The following KCNIP4 variants were observed in gnomAD, a reference collection of about 807,000 sequenced individuals.
The protein encoded by KCNIP4 is potassium voltage-gated channel interacting protein 4, also known as Kv channel-interacting protein 4.
A neutral mutation model predicts 34.0 loss-of-function variants in KCNIP4; 12 were observed. The ratio of observed to expected loss-of-function variants is 0.35; its 90% confidence interval spans 0.23 to 0.57. The LOEUF is 0.57. Among genes scored for constraint, KCNIP4 ranks in the 20% least tolerant of loss-of-function variants. KCNIP4 has a pLI of 0.83. For missense variants in KCNIP4, 238 were observed against 311.7 expected (o/e 0.76, Z 1.78); for synonymous variants, 124 against 102.2 (o/e 1.21, Z -1.29).
intron 1 of KCNIP4, among the ~76,000 whole-genome samples, chr4:20,985,890 G>A (rs1417859615): frequency 6.6e-6 from 1 of 152,140 alleles, no homozygotes; most frequent in Non-Finnish European, 1.5e-5. Context: ...AAGTTTTGAG[G>A]TTGGTAGACC....
chr4:21,436,891 T>C (rs1038009866), intron 1 of KCNIP4, among the ~76,000 whole-genome samples: 5 of 152,206 alleles, frequency 3.3e-5, no homozygotes, highest in Non-Finnish European at 5.9e-5. Flanking sequence ...CCTAACACAG[T>C]GCCTGGCAGA....
intron 1 of KCNIP4, among the ~76,000 whole-genome samples, chr4:21,250,381 C>T (rs1057417536): frequency 2.0e-5 from 3 of 152,042 alleles, no homozygotes; most frequent in Non-Finnish European, 2.9e-5. Flanking sequence ...CTGAAATTTT[C>T]GTCTTCACAA....
rs1181354065 is a variant in KCNIP4 at position 21,344,458 on chromosome 4, G to T, written c.62-461749C>A. On this transcript the variant is annotated intron_variant, in intron 1 of 8. Transcript: ENST00000382152. ...AGCCAAAGGTCTTGGAAACCAAATTGCAAAGATCAGGAGAGAGTTTTAAGA... is the reference window on the plus strand; with the variant it reads ...AGCCAAAGGTCTTGGAAACCAAATTTCAAAGATCAGGAGAGAGTTTTAAGA... Among the ~76,000 whole-genome samples, 5 of 152,118 alleles carry T rather than the reference G, an allele frequency of 3.3e-5. No individual in the cohort carries two copies. In the South Asian group the frequency reaches 6.2e-4, roughly 19 times the overall value.
intron 2 of KCNIP4, among the ~76,000 whole-genome samples, chr4:20,851,091 T>C (rs1720975841): frequency 6.6e-6 from 1 of 152,184 alleles, no homozygotes; most frequent in Non-Finnish European, 1.5e-5. Context: ...GCAGGTTTGT[T>C]ACATGGGTAA....
chr4:21,224,986 A>G (rs1758271700), intron 1 of KCNIP4, among the ~76,000 whole-genome samples: 2 of 152,180 alleles, frequency 1.3e-5, no homozygotes, highest in South Asian at 4.1e-4. Context: ...TTATTATAAA[A>G]TAGACCTTGT....
intron 1 of KCNIP4, among the ~76,000 whole-genome samples, chr4:21,286,407 G>A (rs1235756569): frequency 6.6e-6 from 1 of 152,128 alleles, no homozygotes; most frequent in Non-Finnish European, 1.5e-5. Context: ...ACATATTTAA[G>A]CCACACAATG....
chr4:21,013,474 G>T (rs926759481), intron 1 of KCNIP4, among the ~76,000 whole-genome samples: 19 of 151,436 alleles, frequency 1.3e-4, no homozygotes, highest in Admixed American at 6.6e-5. Flanking sequence ...GGGTCGACCA[G>T]CTCTCTCCAG....
At chr4:21,265,890 C>A (rs1169012535) in intron 1 of KCNIP4, among the ~76,000 whole-genome samples, 1 of 152,174 alleles carries the variant, frequency 6.6e-6, no homozygotes, top group East Asian at 1.9e-4. Flanking sequence ...TGCAAAGTGT[C>A]TATAAACAAG....
chr4:21,836,164 T>G (rs1211728031), intron 1 of KCNIP4, among the ~76,000 whole-genome samples: 1 of 152,176 alleles, frequency 6.6e-6, no homozygotes, highest in Admixed American at 6.5e-5. Flanking sequence ...TGTTTTCACT[T>G]AGGTTCTTAA....
Position 21,475,907 on chromosome 4 carries a change from A to G in KCNIP4, c.61+472664T>C, listed in dbSNP as rs139772860. ...AACCTCACTTTAAAATGCATAAACC[A>G]TTCTATCATGAAGAGCACCTTTTTT... On this transcript the variant is annotated intron_variant, in intron 1 of 8. Transcript: ENST00000382152. 1.8e-3 allele frequency among the ~76,000 whole-genome samples: 278 copies of G among 152,272 alleles called. 2 individuals carry two copies. Among genetic ancestry groups the G allele is most frequent in the African/African-American group, 6.4e-3 (268 of 41,570 alleles).
intron 1 of KCNIP4, among the ~76,000 whole-genome samples, chr4:21,266,767 C>A (rs1257990322): frequency 6.6e-6 from 1 of 152,098 alleles, no homozygotes; most frequent in African/African-American, 2.4e-5. Context: ...AGAGGTTAAA[C>A]CAGAACAATG....
At chr4:21,822,561 T>C (rs1722419348) in intron 1 of KCNIP4, among the ~76,000 whole-genome samples, 1 of 152,196 alleles carries the variant, frequency 6.6e-6, no homozygotes, top group South Asian at 2.1e-4. Flanking sequence ...TGTTCCATGG[T>C]AAATTGGTAG....
chr4:20,992,755 T>C (rs560993628), intron 1 of KCNIP4, among the ~76,000 whole-genome samples: 3 of 152,140 alleles, frequency 2.0e-5, no homozygotes, highest in African/African-American at 7.2e-5. Context: ...AGGCCGAACA[T>C]GGTGGCTCAT....
At chr4:21,579,804 T>A (rs1741070806) in intron 1 of KCNIP4, among the ~76,000 whole-genome samples, 1 of 152,214 alleles carries the variant, frequency 6.6e-6, no homozygotes, top group African/African-American at 2.4e-5. Flanking sequence ...TTTATTTAAC[T>A]AAATGTTTCC....
At chr4:20,994,134 A>C (rs554584177) in intron 1 of KCNIP4, among the ~76,000 whole-genome samples, 11 of 152,298 alleles carry the variant, frequency 7.2e-5, no homozygotes, top group African/African-American at 2.6e-4. Flanking sequence ...CACAATACTG[A>C]TTACCTTGTG....
intron 1 of KCNIP4, among the ~76,000 whole-genome samples, chr4:21,748,227 G>A (rs1716906387): frequency 6.6e-6 from 1 of 152,156 alleles, no homozygotes; most frequent in South Asian, 2.1e-4. Context: ...AGAAGGGTGT[G>A]GTGGAAACAG....
At chr4:21,094,376 T>A (rs746188149) in intron 1 of KCNIP4, among the ~76,000 whole-genome samples, 16 of 152,126 alleles carry the variant, frequency 1.1e-4, no homozygotes, top group African/African-American at 3.1e-4. Context: ...AATGTTAAGA[T>A]CTGAATTGTA....
At chr4:21,374,067 A>C (rs1411866681) in intron 1 of KCNIP4, among the ~76,000 whole-genome samples, 4 of 147,272 alleles carry the variant, frequency 2.7e-5, no homozygotes, top group Non-Finnish European at 5.9e-5. Flanking sequence ...TGCCACCACA[A>C]ATACTTTGCA....
At chr4:21,521,633 A>G (rs116138342) in intron 1 of KCNIP4, among the ~76,000 whole-genome samples, 1,617 of 152,216 alleles carry the variant, frequency 0.011, 35 homozygotes, top group African/African-American at 0.035. Flanking sequence ...GCATTGCCCA[A>G]TTGCAAGTCT....
Sources: gnomAD v4.1 joint callset for allele counts (sites outside exome capture counted in the v4.1 genomes callset) on GRCh38, gnomAD v4.1.1 for gene constraint, MANE v1.5 for transcripts, NCBI Gene and HGNC (gene_info 2026-07-23, HGNC 2026-07-21) for gene names.